Variants in IKBKB observed in about 807,000 individuals in gnomAD.
The protein encoded by IKBKB is inhibitor of nuclear factor kappa B kinase subunit beta.
A neutral mutation model predicts 113.6 loss-of-function variants in IKBKB; 42 were observed. The ratio of observed to expected loss-of-function variants is 0.37; its 90% CI spans 0.29 to 0.48. The LOEUF (loss-of-function observed/expected upper bound fraction) is 0.48. Ranked by LOEUF, IKBKB falls within the 20% of genes least tolerant of loss-of-function variation. IKBKB has a pLI of 0.99. For synonymous variants in IKBKB, 296 were observed against 361.3 expected (o/e 0.82, Z 2.05); for missense variants, 673 against 939.7 (o/e 0.72, Z 3.71).
In IKBKB at chr8:42,318,638, G is replaced by A; in HGVS notation, c.1327G>A (p.Asp443Asn). Residue 443 changes from aspartate to asparagine, a missense_variant, in exon 13 of 22, where the codon GAT becomes AAT. Around this residue, in one of 2 missense-constraint regions of IKBKB, gnomAD observed 506 missense variants for 638.7 expected, o/e 0.79. Transcript: ENST00000520810. ...VWHSIQTLKEDCNRLQQGQRA... is the reference protein window; with the variant it reads ...VWHSIQTLKENCNRLQQGQRA... ...GCACAGCATCCAGACCCTGAAGGAAGATTGCAACCGGCTGCAGCAGGGACA... is the reference window on the plus strand; with the variant it reads ...GCACAGCATCCAGACCCTGAAGGAAAATTGCAACCGGCTGCAGCAGGGACA... 1 of 1,613,804 alleles carries A rather than the reference G, an allele frequency of 6.2e-7. No individual in the cohort carries two copies. The highest frequency in any genetic ancestry group is 1.3e-5 in the African/African-American group (1 of 75,060).
At chr8:42,272,418 T>C (rs531890186) in intron 2 of IKBKB, 2 of 618,380 alleles carry the variant, frequency 3.2e-6, no homozygotes, top group Non-Finnish European at 2.9e-6. Context: ...CCTAAATAAA[T>C]AGTAAAATAA....
intron 9 of IKBKB, 79 bp downstream of exon 9, chr8:42,314,508 C>T (rs1818304402): frequency 2.2e-6 from 2 of 913,366 alleles, no homozygotes; most frequent in African/African-American, 1.6e-5. Context: ...GCCGTGGTGG[C>T]TCACACCTGT....
intron 2 of IKBKB, among the ~76,000 whole-genome samples, chr8:42,283,772 G>C (rs1025196251): frequency 1.3e-5 from 2 of 152,212 alleles, no homozygotes; most frequent in African/African-American, 2.4e-5. Flanking sequence ...GGCAGCAATA[G>C]AAAACAAGTG....
At position 42,322,331 on chromosome 8, in the gene IKBKB, T is replaced by C. The variant is rs748794784; in HGVS notation, c.1839-16T>C. ...CAGCCCAAATGCCATTAGTTTGCCA[T>C]GTTTATTCTTTGCAGTAAAACTGTG... On this transcript the variant is annotated splice_polypyrimidine_tract_variant and intron_variant, in intron 18 of 21. Coordinates refer to ENST00000520810, the MANE Select transcript of IKBKB (RefSeq NM_001556.3). 6 of 1,613,814 alleles carry C rather than the reference T, an allele frequency of 3.7e-6. No homozygotes were observed. The highest frequency in any genetic ancestry group is 2.2e-5 in the East Asian group (1 of 44,856).
At chr8:42,271,625 G>A in intron 1 of IKBKB, 156 bp downstream of exon 1, 1 of 548,520 alleles carries the variant, frequency 1.8e-6, no homozygotes, top group South Asian at 2.2e-5. Context: ...GGGAAGCCGG[G>A]AGAAACAGCT....
chr8:42,313,430 G>A (rs1016854813), intron 8 of IKBKB, among the ~76,000 whole-genome samples: 3 of 151,868 alleles, frequency 2.0e-5, no homozygotes, highest in African/African-American at 7.3e-5. Context: ...CAGCCTGGGC[G>A]ACAGAAAAAA....
chr8:42,322,608 C>G, intron 19 of IKBKB, 114 bp downstream of exon 19: 7 of 1,083,778 alleles, frequency 6.5e-6, no homozygotes, highest in Middle Eastern at 3.0e-4. Context: ...GCAGCCCACT[C>G]AGCTGCTGCT....
chr8:42,293,736 A>G (rs556972989), intron 5 of IKBKB, among the ~76,000 whole-genome samples: 16 of 152,116 alleles, frequency 1.1e-4, no homozygotes, highest in African/African-American at 3.9e-4. Flanking sequence ...TGATTAACTC[A>G]TCAGGTGAAT....
At chr8:42,330,184 T>A in intron 21 of IKBKB, 1 of 985,372 alleles carries the variant, frequency 1.0e-6, no homozygotes, top group South Asian at 4.7e-5. Flanking sequence ...TGAGCCACAG[T>A]GGTACTGACG....
chr8:42,272,098 A>G lies in IKBKB; in HGVS notation c.-3A>G. 1 of 1,613,968 alleles carries G rather than the reference A, an allele frequency of 6.2e-7. No individual in the cohort carries two copies. The highest frequency in any genetic ancestry group is 8.5e-7 in the Non-Finnish European group (1 of 1,179,958). On this transcript the variant is annotated 5_prime_UTR_variant, in exon 2 of 22. Transcript: ENST00000520810. ...TTGCTTATAGAGTTAGCACGACATC[A>G]GTATGAGCTGGTCACCTTCCCTGAC... is the stretch of plus-strand genomic sequence containing the variant.
At chr8:42,321,586 A>C in intron 16 of IKBKB, 1 of 295,076 alleles carries the variant, frequency 3.4e-6, no homozygotes. Flanking sequence ...CAGTGGCACA[A>C]TCATAGCTCA....
intron 5 of IKBKB, among the ~76,000 whole-genome samples, chr8:42,294,340 T>C (rs1813271246): frequency 6.6e-6 from 1 of 152,214 alleles, no homozygotes; most frequent in African/African-American, 2.4e-5. Flanking sequence ...TTGCTCAAGT[T>C]TTTTTGGAAA....
At chr8:42,313,756 A>G (rs991631312) in intron 8 of IKBKB, among the ~76,000 whole-genome samples, 5 of 152,232 alleles carry the variant, frequency 3.3e-5, no homozygotes, top group Non-Finnish European at 7.3e-5. Flanking sequence ...TGGGCACAAG[A>G]TGGTCAGTGA....
At position 42,322,401 on chromosome 8, in the gene IKBKB, G is replaced by C. The variant is rs772615613; in HGVS notation, c.1893G>C (p.Glu631Asp). The change falls in exon 19 of 22, where the codon GAG becomes GAC. Residue 631 changes from glutamate to aspartate, a missense_variant. Physicochemically the swap from Glu to Asp is conservative, Grantham distance 45 (BLOSUM62 2). Transcript: ENST00000520810. ...TGGAACTGTTGCCCAAGGTGGAAGA[G>C]GTGGTGAGCTTAATGAATGAGGATG... ...KALELLPKVE[E>D]VVSLMNEDEK... 22 of 1,613,974 alleles carry C rather than the reference G, an allele frequency of 1.4e-5. No individual in the cohort carries two copies. In the South Asian group the frequency reaches 2.1e-4, roughly 15 times the overall value.
intron 4 of IKBKB, 104 bp downstream of exon 4, chr8:42,290,377 G>A (rs1812362107): frequency 1.3e-6 from 1 of 790,162 alleles, no homozygotes; most frequent in African/African-American, 1.7e-5. Flanking sequence ...AGGAAGCTTG[G>A]GGAGCCCCAG....
intron 20 of IKBKB, among the ~76,000 whole-genome samples, chr8:42,327,821 T>TTTTTTTTTTTTTTTTTA (rs1563374181): frequency 7.7e-5 from 1 of 12,984 alleles, no homozygotes; most frequent in African/African-American, 9.0e-5. Context: ...TTTTTTTTTT[T>TTTTTTTTTTTTTTTTTA]GAGACGGAGT....
chr8:42,290,294 A>G, intron 4 of IKBKB, 21 bp downstream of exon 4: 2 of 1,531,968 alleles, frequency 1.3e-6, no homozygotes, highest in South Asian at 1.1e-5. Flanking sequence ...CACGGCTGCC[A>G]GGTGCACAGC....
At chr8:42,319,706 T>C in intron 15 of IKBKB, 60 bp downstream of exon 15, 3 of 1,367,914 alleles carry the variant, frequency 2.2e-6, no homozygotes, top group Non-Finnish European at 3.0e-6. Flanking sequence ...GTGCTCCCAC[T>C]TTTCACTTTC....
At chr8:42,281,044 A>C (rs1010259426) in intron 2 of IKBKB, among the ~76,000 whole-genome samples, 1 of 152,122 alleles carries the variant, frequency 6.6e-6, no homozygotes, top group Non-Finnish European at 1.5e-5. Flanking sequence ...GAAATGCATT[A>C]AGTGAGTCTA....
Sources: gnomAD v4.1 joint callset for allele counts (sites outside exome capture counted in the v4.1 genomes callset) on GRCh38, gnomAD v4.1.1 for gene constraint, gnomAD v4.1.1 regional missense constraint, MANE v1.5 for transcripts, NCBI Gene and HGNC (gene_info 2026-07-23, HGNC 2026-07-21) for gene names.